MYH9: variants seen among roughly 807,000 people sequenced by gnomAD.
The protein encoded by MYH9 is myosin heavy chain 9.
In MYH9, 29 loss-of-function variants were observed where a neutral mutation model predicts 241.9. The ratio of observed to expected loss-of-function variants is 0.12; its 90% CI spans 0.09 to 0.16. MYH9 has a LOEUF of 0.16. Ranked by LOEUF, MYH9 falls within the 10% of genes least tolerant of loss-of-function variation. MYH9 has a pLI of 1.00. For synonymous variants in MYH9, 1,047 were observed against 1,062.6 expected (o/e 0.99, Z 0.29); for missense variants, 1,803 against 2,595.5 (o/e 0.69, Z 6.63).
At chr22:36,344,242 C>A (rs1310811086) in intron 2 of MYH9, among the ~76,000 whole-genome samples, 1 of 152,254 alleles carries the variant, frequency 6.6e-6, no homozygotes, top group South Asian at 2.1e-4. Context: ...GGCCACGACA[C>A]GGCGCTGCTC....
In MYH9 at chr22:36,306,781, C is replaced by G. The variant is rs1227259588; in HGVS notation, c.1844-174G>C. On this transcript the variant is annotated intron_variant, in intron 15 of 40. Transcript: ENST00000216181. The surrounding 1 kb of genome is among the most constrained non-coding windows in gnomAD (Gnocchi z 4.1). ...TGGGTGCTAAGGTCATCCCCAAACA[C>G]AGCGGGAAGCCAAGGGGGATGCAAA... 6.6e-6 allele frequency among the ~76,000 whole-genome samples: 1 copy of G among 152,210 alleles called. No homozygotes were observed. The highest frequency in any genetic ancestry group is 1.5e-5 in the Non-Finnish European group (1 of 68,042).
intron 5 of MYH9, 146 bp from the exon 6 acceptor site, chr22:36,322,667 G>A (rs1011864135): frequency 3.9e-6 from 3 of 764,002 alleles, no homozygotes; most frequent in East Asian, 2.7e-5. Context: ...TCCAGTGTGC[G>A]ACTCCAACCA....
chr22:36,324,091 G>A (rs1375084615), intron 5 of MYH9, among the ~76,000 whole-genome samples: 1 of 152,244 alleles, frequency 6.6e-6, no homozygotes, highest in Non-Finnish European at 1.5e-5. Context: ...AGACAGAAGG[G>A]AGCGCGGCCC....
At chr22:36,294,801 A>T in intron 27 of MYH9, 131 bp downstream of exon 27, 1 of 1,249,092 alleles carries the variant, frequency 8.0e-7, no homozygotes, top group Non-Finnish European at 1.1e-6. Context: ...AGCCCCTTAG[A>T]AGGGGAGCCT....
At chr22:36,291,869 A>T in intron 31 of MYH9, 117 bp downstream of exon 31, 1 of 1,501,560 alleles carries the variant, frequency 6.7e-7, no homozygotes, top group Non-Finnish European at 9.1e-7. Flanking sequence ...CTGGCCCCGC[A>T]CGGCCCCTCC....
intron 1 of MYH9, among the ~76,000 whole-genome samples, chr22:36,360,722 A>T (rs1222119863): frequency 2.0e-5 from 3 of 151,890 alleles, no homozygotes; most frequent in Admixed American, 6.6e-5. Context: ...CAAAAAAAAA[A>T]AAAAGAAAGA....
rs1451486335 is a variant in MYH9 at position 36,281,842 on chromosome 22, C to T, written c.*826G>A. 2 of 231,240 alleles carry T rather than the reference C, an allele frequency of 8.6e-6. No individual in the cohort carries two copies. Among genetic ancestry groups the T allele is most frequent in the East Asian group, 1.2e-4 (2 of 16,276 alleles). The allele number at this position is 231,240 out of a possible 1,614,324, so 14.3% of individuals were successfully genotyped here. A position where few individuals can be genotyped will look rare whatever the true frequency, so the allele number is the denominator to read the frequency against. On this transcript the variant is annotated 3_prime_UTR_variant, in exon 41 of 41. Coordinates refer to ENST00000216181, the MANE Select transcript of MYH9 (RefSeq NM_002473.6). Reference sequence around the variant, plus strand: ...CCCCTCTAACGCTCTGGCTGTCAGACTTGGGACAAGTCCCTTAACCATTAA... The same window carrying T: ...CCCCTCTAACGCTCTGGCTGTCAGATTTGGGACAAGTCCCTTAACCATTAA...
At chr22:36,284,322 A>C in intron 39 of MYH9, 57 bp from the exon 40 acceptor site, 1 of 1,604,366 alleles carries the variant, frequency 6.2e-7, no homozygotes, top group Non-Finnish European at 8.5e-7. Context: ...GCGTGCAGCC[A>C]GTCAGCCCCA....
Position 36,288,212 on chromosome 22 carries a change from G to C in MYH9, c.4932+40C>G. The C allele has an allele frequency of 1.2e-6, 2 of 1,611,026 alleles. No homozygotes were observed. The highest frequency in any genetic ancestry group is 1.7e-6 in the Non-Finnish European group (2 of 1,179,580). On this transcript the variant is annotated intron_variant, in intron 34 of 40. Coordinates refer to ENST00000216181, the MANE Select transcript of MYH9 (RefSeq NM_002473.6). This position sits in a 1 kb window ranked among gnomAD's most constrained non-coding sequence, Gnocchi z 4.8. ...ACCTTCATATGTAGTTGGCTCAGTC[G>C]GGTGCCGCCCACCCTCACCTGGGCC...
chr22:36,345,867 G>A (rs1358332691), intron 2 of MYH9, among the ~76,000 whole-genome samples: 2 of 152,158 alleles, frequency 1.3e-5, no homozygotes, highest in Non-Finnish European at 2.9e-5. Context: ...GCTGGGCTGG[G>A]GCCGGGCGTG....
chr22:36,301,121 G>A (rs2016870544), intron 21 of MYH9, 64 bp from the exon 22 acceptor site: 1 of 1,501,974 alleles, frequency 6.7e-7, no homozygotes, highest in East Asian at 2.3e-5. Flanking sequence ...CATCCTCAAG[G>A]ACGGACGCCA....
intron 1 of MYH9, among the ~76,000 whole-genome samples, chr22:36,387,273 C>T (rs943700697): frequency 6.6e-6 from 1 of 152,232 alleles, no homozygotes; most frequent in African/African-American, 2.4e-5. Flanking sequence ...CGGTCCGACT[C>T]TGACTCAGGA....
At chr22:36,338,590 C>T (rs552775407) in intron 3 of MYH9, among the ~76,000 whole-genome samples, 2 of 151,518 alleles carry the variant, frequency 1.3e-5, no homozygotes, top group East Asian at 2.0e-4. Flanking sequence ...GAGGCCGAGG[C>T]GGGTGGATCA....
chr22:36,306,361 G>C lies in MYH9; in HGVS notation c.2037+53C>G. The stretch of plus-strand genomic sequence containing the variant: ...TTTGCTGGGGAGACAGACAAGGGCT[G>C]AGCACCCCACACCACAGTGCCCTGC... On this transcript the variant is annotated intron_variant, in intron 16 of 40. Transcript: ENST00000216181. This position sits in a 1 kb window ranked among gnomAD's most constrained non-coding sequence, Gnocchi z 4.1. The C allele has an allele frequency of 6.2e-7, 1 of 1,603,624 alleles. No homozygotes were observed. The highest frequency in any genetic ancestry group is 8.5e-7 in the Non-Finnish European group (1 of 1,172,846).
rs928590126 is a variant in MYH9 at position 36,347,797 on chromosome 22, G to C, written c.333+1107C>G. On this transcript the variant is annotated intron_variant, in intron 2 of 40. Coordinates refer to ENST00000216181, the MANE Select transcript of MYH9 (RefSeq NM_002473.6). ...AGACTGGCCAATTAAAAAAGACCCT[G>C]TCTCAAAAAAAAAAAAAAAAAACAA... 5.1e-3 allele frequency among the ~76,000 whole-genome samples: 484 copies of C among 94,852 alleles called. 4 individuals carry two copies. Among genetic ancestry groups the C allele is most frequent in the African/African-American group, 0.019 (471 of 24,732 alleles). 62.2% of individuals were successfully genotyped at this position (94,852 alleles called of 152,430 possible). A position where few individuals can be genotyped will look rare whatever the true frequency, so the allele number is the denominator to read the frequency against.
intron 1 of MYH9, among the ~76,000 whole-genome samples, chr22:36,372,078 C>G (rs2018098477): frequency 6.6e-6 from 1 of 152,156 alleles, no homozygotes; most frequent in East Asian, 1.9e-4. Context: ...GTAAACCCAG[C>G]AGCTGCTTCT....
chr22:36,303,311 T>C (rs2016913845), intron 19 of MYH9, among the ~76,000 whole-genome samples: 1 of 151,976 alleles, frequency 6.6e-6, no homozygotes, highest in Admixed American at 6.6e-5. Context: ...AAGATGAGTC[T>C]GGACTCGAGG....
intron 3 of MYH9, among the ~76,000 whole-genome samples, chr22:36,336,811 A>C (rs1359382724): frequency 6.6e-6 from 1 of 152,164 alleles, no homozygotes; most frequent in Non-Finnish European, 1.5e-5. Flanking sequence ...GTAGGCACCA[A>C]ATGTCTTGTT....
rs759822110 is a variant in MYH9 at position 36,320,398 on chromosome 22, G to A, written c.869-35C>T. 1.9e-6 allele frequency: 3 copies of A among 1,608,744 alleles called. No individual in the cohort carries two copies. Among genetic ancestry groups the A allele is most frequent in the African/African-American group, 1.3e-5 (1 of 74,932 alleles). On this transcript the variant is annotated intron_variant, in intron 8 of 40. Transcript: ENST00000216181. This position sits in a 1 kb window ranked among gnomAD's most constrained non-coding sequence, Gnocchi z 4.8. ...GTGGAGGGCAAGGGCGCCTCAGCGA[G>A]GTGCTGAAAGTGGAGGCTCCATCAG...
Sources: gnomAD v4.1 joint callset for allele counts (sites outside exome capture counted in the v4.1 genomes callset) on GRCh38, gnomAD v4.1.1 for gene constraint, Gnocchi (gnomAD v3.1) non-coding constraint, MANE v1.5 for transcripts, NCBI Gene and HGNC (gene_info 2026-07-23, HGNC 2026-07-21) for gene names.